Variants in DUSP10 observed in about 807,000 individuals in gnomAD.
DUSP10 encodes the protein dual specificity protein phosphatase 10.
In DUSP10, 14 loss-of-function variants were observed where a neutral mutation model predicts 30.8. The ratio of observed to expected loss-of-function variants is 0.46; its 90% CI spans 0.30 to 0.71. DUSP10 has a LOEUF of 0.71. Ranked by LOEUF, DUSP10 falls within the 30% of genes least tolerant of loss-of-function variation. DUSP10 has a pLI of 0.08. For missense variants in DUSP10, 550 were observed against 619.4 expected (o/e 0.89, Z 1.19); for synonymous variants, 254 against 250.4 (o/e 1.01, Z -0.14).
chr1:221,716,387 C>G (rs1249662354), intron 2 of DUSP10, among the ~76,000 whole-genome samples: 1 of 152,164 alleles, frequency 6.6e-6, no homozygotes, highest in Non-Finnish European at 1.5e-5. Context: ...TCAAGTCAGT[C>G]CCTCTGCCAG....
At chr1:221,738,478 GT>G (rs1661843576) in intron 2 of DUSP10, among the ~76,000 whole-genome samples, 1 of 152,164 alleles carries the variant, frequency 6.6e-6, no homozygotes, top group Non-Finnish European at 1.5e-5. Context: ...ATTTCCCACA[GT>G]AAGAACTGGT....
chr1:221,706,501 G>A lies in DUSP10; in HGVS notation c.812-35C>T, dbSNP rs1660766254. 7.0e-7 allele frequency: 1 copy of A among 1,420,534 alleles called. No individual in the cohort carries two copies. Among genetic ancestry groups the A allele is most frequent in the Non-Finnish European group, 9.3e-7 (1 of 1,080,740 alleles). 88.0% of individuals were successfully genotyped at this position (1,420,534 alleles called of 1,614,324 possible). On this transcript the variant is annotated intron_variant, in intron 2 of 3. Coordinates refer to ENST00000366899, the MANE Select transcript of DUSP10 (RefSeq NM_007207.6). This position sits in a 1 kb window ranked among gnomAD's most constrained non-coding sequence, Gnocchi z 4.6. ...AAACACAGAAGGTGAGTGTGACTGA[G>A]ATTTCAGAGCTGGCAGAGAATGCCA... is the stretch of plus-strand genomic sequence containing the variant.
intron 2 of DUSP10, chr1:221,737,513 GTGACCTCAAGAAAACCCACC>G (rs1421960056): frequency 1.0e-6 from 1 of 973,690 alleles, no homozygotes; most frequent in Non-Finnish European, 1.2e-6. Context: ...GAACATATTT[GTGACCTCAAGAAAACCCACC>G]ACAACCACCA....
rs79503580 is a variant in DUSP10 at position 221,741,753 on chromosome 1, G to A, written c.-44+228C>T. 6.6e-5 allele frequency among the ~76,000 whole-genome samples: 10 copies of A among 152,128 alleles called. 1 individual carries two copies. In the South Asian group the frequency reaches 2.1e-3, roughly 32 times the overall value. ...GCCCCAAATCCAAGTAGACTGCAGG[G>A]AGTAAACGCACAGGGTAGCAGGAGC... is the stretch of plus-strand genomic sequence containing the variant. On this transcript the variant is annotated intron_variant, in intron 1 of 3. Transcript: ENST00000366899.
chr1:221,717,173 G>T (rs1310295732), intron 2 of DUSP10, among the ~76,000 whole-genome samples: 1 of 152,190 alleles, frequency 6.6e-6, no homozygotes, highest in African/African-American at 2.4e-5. Flanking sequence ...AGAGGGGACG[G>T]AATCCAGGAG....
rs1308545746 is a variant in DUSP10, at chr1:221,706,344, G to A, written c.934C>T (p.Pro312Ser). 5 of 1,610,986 alleles carry A rather than the reference G, an allele frequency of 3.1e-6. No individual in the cohort carries two copies. The highest frequency in any genetic ancestry group is 2.2e-5 in the East Asian group (1 of 44,816). ...GCGTTCTCGATGTCAGGGGTGGTGG[G>A]GATGGGCTGAGGTAGCAAGCTCGAG... is the stretch of plus-strand genomic sequence containing the variant. The part of the protein sequence containing the change: ...AASSLLPQPI[P>S]TTPDIENAEL... Residue 312 changes from proline (P) to serine (S), a missense_variant, in exon 3 of 4, where the codon CCC (proline) becomes TCC (serine). Transcript: ENST00000366899. The surrounding 1 kb of genome is among the most constrained non-coding windows in gnomAD (Gnocchi z 4.6).
chr1:221,727,172 C>G (rs963637099), intron 2 of DUSP10, among the ~76,000 whole-genome samples: 33 of 152,242 alleles, frequency 2.2e-4, no homozygotes, highest in Non-Finnish European at 2.9e-4. Flanking sequence ...AACTATACTC[C>G]CTTCGCAAGA....
chr1:221,702,424 C>G lies in DUSP10; in HGVS notation c.1437G>C (p.Glu479Asp). Residue 479 changes from glutamate (E) to aspartate (D), a missense_variant, in exon 4 of 4, where the codon GAG (glutamate) becomes GAC (aspartate). Transcript: ENST00000366899. This position sits in a 1 kb window ranked among gnomAD's most constrained non-coding sequence, Gnocchi z 4.5. ...RILTPKLMGV[E>D]TVV The stretch of plus-strand genomic sequence containing the variant: ...ATCCAGACCATTGTCACACAACCGT[C>G]TCCACGCCCATCAGCTTTGGTGTAA... 6.2e-7 allele frequency: 1 copy of G among 1,614,000 alleles called. No homozygotes were observed. Among genetic ancestry groups the G allele is most frequent in the Non-Finnish European group, 8.5e-7 (1 of 1,179,972 alleles).
intron 2 of DUSP10, among the ~76,000 whole-genome samples, chr1:221,736,084 C>G (rs1457758762): frequency 1.3e-5 from 2 of 152,138 alleles, no homozygotes; most frequent in African/African-American, 2.4e-5. Flanking sequence ...TAAATTAGAA[C>G]AGTAACTTAA....
rs1479618256 is a variant in DUSP10, at chr1:221,739,593, A to C, written c.152T>G (p.Val51Gly). The C allele has an allele frequency of 6.2e-7, 1 of 1,614,100 alleles. No individual in the cohort carries two copies. Among genetic ancestry groups the C allele is most frequent in the Non-Finnish European group, 8.5e-7 (1 of 1,180,040 alleles). ...CGTCAGATTCGCAGCCTTGAGGGAC[A>C]CAACGGTGGTGGCGATGACAGGAGG... is the stretch of plus-strand genomic sequence containing the variant. ...SHPPVIATTV[V>G]SLKAANLTYM... The change falls in exon 2 of 4, where the codon GTG (valine) becomes GGG (glycine). Residue 51 changes from valine to glycine, a missense_variant. Coordinates refer to ENST00000366899, the MANE Select transcript of DUSP10 (RefSeq NM_007207.6).
At chr1:221,726,311 T>A (rs543579038) in intron 2 of DUSP10, among the ~76,000 whole-genome samples, 13 of 152,322 alleles carry the variant, frequency 8.5e-5, no homozygotes, top group Admixed American at 6.5e-4. Flanking sequence ...TCAAGAGGTT[T>A]CTCTTGTCAT....
intron 2 of DUSP10, among the ~76,000 whole-genome samples, chr1:221,711,219 C>G (rs938749073): frequency 1.3e-5 from 2 of 152,248 alleles, no homozygotes; most frequent in African/African-American, 4.8e-5. Flanking sequence ...GACTGCAGTC[C>G]TAGAAACAGA....
At chr1:221,723,922 G>C (rs919472518) in intron 2 of DUSP10, among the ~76,000 whole-genome samples, 2 of 152,220 alleles carry the variant, frequency 1.3e-5, no homozygotes, top group Non-Finnish European at 1.5e-5. Context: ...TGCTGAAGAA[G>C]ATGAACTAAT....
At chr1:221,731,079 T>C (rs1661576578) in intron 2 of DUSP10, among the ~76,000 whole-genome samples, 1 of 152,218 alleles carries the variant, frequency 6.6e-6, no homozygotes, top group African/African-American at 2.4e-5. Flanking sequence ...TGAATGAGTA[T>C]GATTACATTC....
In DUSP10 at chr1:221,702,197, CTTAAT is replaced by C. The variant is rs1660625505; in HGVS notation, c.*210_*214del. The C allele has an allele frequency of 3.6e-6, 2 of 555,716 alleles. No homozygotes were observed. Among genetic ancestry groups the C allele is most frequent in the African/African-American group, 1.9e-5 (1 of 52,688 alleles). 34.4% of individuals were successfully genotyped at this position (555,716 alleles called of 1,614,324 possible). A position where few individuals can be genotyped will look rare whatever the true frequency, so the allele number is the denominator to read the frequency against. On this transcript the variant is annotated 3_prime_UTR_variant, in exon 4 of 4. Transcript: ENST00000366899. The surrounding 1 kb of genome is among the most constrained non-coding windows in gnomAD (Gnocchi z 4.5). ...TTAAAAAAATTACTTCTTTAACCTC[CTTAAT>C]TTGTCAGTTTGTGGGAGGTGAATCT...
chr1:221,712,892 A>G (rs1218579487), intron 2 of DUSP10, among the ~76,000 whole-genome samples: 1 of 151,352 alleles, frequency 6.6e-6, no homozygotes, highest in Non-Finnish European at 1.5e-5. Flanking sequence ...CTATCTTTCC[A>G]TAACTATAAA....
At chr1:221,713,974 T>C (rs1423230418) in intron 2 of DUSP10, among the ~76,000 whole-genome samples, 1 of 152,208 alleles carries the variant, frequency 6.6e-6, no homozygotes, top group Non-Finnish European at 1.5e-5. Flanking sequence ...ATTTCCAGAA[T>C]AGCCCTCCCA....
At position 221,701,997 on chromosome 1, in the gene DUSP10, C is replaced by T. The variant is rs1171080458; in HGVS notation, c.*415G>A. The T allele has an allele frequency of 1.2e-5, 2 of 171,824 alleles. No homozygotes were observed. The highest frequency in any genetic ancestry group is 2.5e-5 in the Non-Finnish European group (2 of 80,204). The allele number at this position is 171,824 out of a possible 1,614,324, so 10.6% of individuals were successfully genotyped here. On this transcript the variant is annotated 3_prime_UTR_variant, in exon 4 of 4. Transcript: ENST00000366899. ...TTCTGTGTGGACAGCCCAGGTTGATCCCAGGCCTTGGTGATTCAATGTCTT... is the reference window on the plus strand; with the variant it reads ...TTCTGTGTGGACAGCCCAGGTTGATTCCAGGCCTTGGTGATTCAATGTCTT...
rs781692640 is a variant in DUSP10, at chr1:221,739,595, A to G, written c.150T>C (p.Val50=). Residue 50 remains valine (V), a synonymous_variant, in exon 2 of 4, where the codon GTT becomes GTC. Transcript: ENST00000366899. ...TCAGATTCGCAGCCTTGAGGGACAC[A>G]ACGGTGGTGGCGATGACAGGAGGGT... ...NSHPPVIATT[V]VSLKAANLTY... 1.2e-6 allele frequency: 2 copies of G among 1,614,202 alleles called. No individual in the cohort carries two copies. Among genetic ancestry groups the G allele is most frequent in the South Asian group, 2.2e-5 (2 of 91,084 alleles).
Sources: allele counts gnomAD v4.1 joint callset (sites outside exome capture counted in the v4.1 genomes callset), GRCh38; gene constraint gnomAD v4.1.1; non-coding constraint Gnocchi (gnomAD v3.1); transcripts MANE v1.5; gene names NCBI Gene and HGNC (gene_info 2026-07-23, HGNC 2026-07-21).